Variants in PAM observed in about 807,000 individuals in gnomAD.
The protein encoded by PAM is peptidylglycine alpha-amidating monooxygenase, also known as peptidyl-glycine alpha-amidating monooxygenase.
A neutral mutation model predicts 122.1 loss-of-function variants in PAM; 72 were observed. That is an observed-to-expected ratio of 0.59 (90% CI 0.49 to 0.72). PAM has a LOEUF of 0.72. Ranked by LOEUF, PAM falls within the 30% of genes least tolerant of loss-of-function variation. PAM has a pLI of 0.00. For missense variants in PAM, 1,106 were observed against 1,183.7 expected (o/e 0.93, Z 0.96); for synonymous variants, 389 against 404.4 (o/e 0.96, Z 0.46).
intron 3 of PAM, among the ~76,000 whole-genome samples, chr5:102,883,372 G>T (rs1161657604): frequency 1.3e-5 from 2 of 151,996 alleles, no homozygotes; most frequent in East Asian, 3.9e-4. Flanking sequence ...ATTTGTTTGT[G>T]TCACCTATGA....
intron 1 of PAM, among the ~76,000 whole-genome samples, chr5:102,795,725 C>T (rs1312867732): frequency 6.6e-6 from 1 of 152,148 alleles, no homozygotes. Flanking sequence ...ACCTTGATCC[C>T]TAACGGAAAG....
intron 3 of PAM, among the ~76,000 whole-genome samples, chr5:102,874,054 A>G (rs1788375673): frequency 6.6e-6 from 1 of 152,174 alleles, no homozygotes; most frequent in Non-Finnish European, 1.5e-5. Flanking sequence ...TCCCTCCCCA[A>G]ATTGAGAAAC....
intron 1 of PAM, among the ~76,000 whole-genome samples, chr5:102,847,198 A>T (rs1184548862): frequency 1.3e-5 from 2 of 152,190 alleles, no homozygotes; most frequent in Non-Finnish European, 2.9e-5. Context: ...CCCTGTATTA[A>T]GAAACCCTTC....
intron 12 of PAM, 94 bp from the exon 13 acceptor site, chr5:102,959,781 C>A (rs949541031): frequency 6.8e-6 from 5 of 734,200 alleles, no homozygotes; most frequent in Non-Finnish European, 1.2e-5. Context: ...ACCTTTGAAT[C>A]CATTGCTGGC....
At chr5:103,024,796 C>T (rs1454958985) in intron 23 of PAM, among the ~76,000 whole-genome samples, 1 of 152,026 alleles carries the variant, frequency 6.6e-6, no homozygotes, top group African/African-American at 2.4e-5. Flanking sequence ...TTCCAGTATG[C>T]ACACCAGTTC....
At chr5:102,896,329 T>C (rs1020134497) in intron 3 of PAM, among the ~76,000 whole-genome samples, 2 of 151,626 alleles carry the variant, frequency 1.3e-5, no homozygotes, top group African/African-American at 4.8e-5. Flanking sequence ...AAAATGCAAA[T>C]GGGATTCTGG....
chr5:102,993,408 T>C (rs1774749021), intron 16 of PAM, among the ~76,000 whole-genome samples: 1 of 152,122 alleles, frequency 6.6e-6, no homozygotes, highest in Non-Finnish European at 1.5e-5. Flanking sequence ...TTCATGTACC[T>C]GAGCTATGGT....
intron 12 of PAM, among the ~76,000 whole-genome samples, chr5:102,956,133 A>C (rs1760657611): frequency 6.6e-6 from 1 of 152,090 alleles, no homozygotes; most frequent in African/African-American, 2.4e-5. Context: ...GATAAAATTC[A>C]ATTTTGAATC....
chr5:102,935,052 T>C (rs188365427), intron 7 of PAM, among the ~76,000 whole-genome samples: 167 of 152,232 alleles, frequency 1.1e-3, no homozygotes, highest in African/African-American at 3.1e-3. Flanking sequence ...TTGGAAAATA[T>C]AGAAAATTAT....
Position 102,967,558 on chromosome 5 carries a change from A to G in PAM, c.1162+6329A>G, listed in dbSNP as rs538442919. Among the ~76,000 whole-genome samples the G allele has an allele frequency of 2.6e-5, 4 of 152,334 alleles. No individual in the cohort carries two copies. In the East Asian group the frequency reaches 7.7e-4, roughly 29 times the overall value. ...ATCTCTGGAACTATGACAAGAAATA[A>G]GAAATGAGAGGGACTTTTTTATATA... On this transcript the variant is annotated intron_variant, in intron 14 of 25. Transcript: ENST00000438793.
chr5:102,941,729 T>A (rs1164076099), intron 7 of PAM, among the ~76,000 whole-genome samples: 2 of 142,932 alleles, frequency 1.4e-5, no homozygotes, highest in African/African-American at 5.2e-5. Flanking sequence ...GGAACTAATT[T>A]AAAAAAACTT....
intron 1 of PAM, among the ~76,000 whole-genome samples, chr5:102,756,803 A>C (rs1206274862): frequency 6.6e-6 from 1 of 152,120 alleles, no homozygotes; most frequent in Non-Finnish European, 1.5e-5. Context: ...ATTAAATGGT[A>C]AGCCCTGTCG....
intron 7 of PAM, among the ~76,000 whole-genome samples, chr5:102,934,223 A>C (rs1752527211): frequency 6.6e-6 from 1 of 152,158 alleles, no homozygotes; most frequent in Admixed American, 6.6e-5. Context: ...CTGAGTCTCT[A>C]CAGTGGAAGG....
At chr5:103,019,878 A>C (rs1783067207) in intron 23 of PAM, 35 bp downstream of exon 23, 1 of 1,326,764 alleles carries the variant, frequency 7.5e-7, no homozygotes. Flanking sequence ...ATAAAACCAA[A>C]GTCTGGCTGT....
chr5:102,757,747 G>A (rs892728749), intron 1 of PAM, among the ~76,000 whole-genome samples: 3 of 152,076 alleles, frequency 2.0e-5, no homozygotes, highest in South Asian at 2.1e-4. Context: ...TAAAAGTTAC[G>A]AGACTTGGTG....
At chr5:102,862,440 A>G (rs534209927) in intron 1 of PAM, among the ~76,000 whole-genome samples, 2 of 152,252 alleles carry the variant, frequency 1.3e-5, no homozygotes, top group South Asian at 4.1e-4. Context: ...TCAGAAGTCA[A>G]ATTGCTATGT....
At chr5:102,964,567 AAAAT>A (rs1763462327) in intron 14 of PAM, among the ~76,000 whole-genome samples, 1 of 151,916 alleles carries the variant, frequency 6.6e-6, no homozygotes, top group Non-Finnish European at 1.5e-5. Context: ...GATTTCTTTA[AAAAT>A]AATGCTTATT....
Position 102,960,034 on chromosome 5 carries a change from G to C in PAM, c.1065G>C (p.Met355Ile). ...ANIPIPVKSD[M>I]VMMHEHHKET... ...TTCCAATTCCCGTGAAGTCTGATAT[G>C]GTTATGATGCATGAACATCATAAAG... is the stretch of plus-strand genomic sequence containing the variant. The change falls in exon 13 of 26, where the codon ATG (methionine) becomes ATC (isoleucine). Residue 355 changes from methionine to isoleucine, a missense_variant. Physicochemically the swap from Met to Ile is conservative, Grantham distance 10. Coordinates refer to ENST00000438793, the MANE Select transcript of PAM (RefSeq NM_001177306.2). The C allele has an allele frequency of 6.2e-7, 1 of 1,603,130 alleles. No individual in the cohort carries two copies. The highest frequency in any genetic ancestry group is 8.5e-7 in the Non-Finnish European group (1 of 1,171,462).
intron 5 of PAM, among the ~76,000 whole-genome samples, chr5:102,922,368 C>T (rs922664896): frequency 2.6e-5 from 4 of 152,004 alleles, no homozygotes; most frequent in African/African-American, 9.7e-5. Flanking sequence ...AAAAGTTTTT[C>T]AGGCAGACAG....
Sources: allele counts gnomAD v4.1 joint callset (sites outside exome capture counted in the v4.1 genomes callset), GRCh38; gene constraint gnomAD v4.1.1; transcripts MANE v1.5; gene names NCBI Gene and HGNC (gene_info 2026-07-23, HGNC 2026-07-21).